The following SCFD2 variants were observed in gnomAD, a reference collection of about 807,000 sequenced individuals.
SCFD2 encodes the protein sec1 family domain containing 2.
In SCFD2, 54 loss-of-function variants were observed where a neutral mutation model predicts 58.9. The ratio of observed to expected loss-of-function variants is 0.92; its 90% confidence interval spans 0.74 to 1.15. SCFD2 has a LOEUF of 1.15. Ranked by LOEUF, SCFD2 falls within the 50% of genes most tolerant of loss-of-function variation. SCFD2 has a pLI of 0.00. For synonymous variants in SCFD2, 321 were observed against 335.9 expected (o/e 0.96, Z 0.49); for missense variants, 805 against 836.6 (o/e 0.96, Z 0.47).
chr4:52,875,818 AT>A (rs1718457956), intron 8 of SCFD2, among the ~76,000 whole-genome samples: 1 of 41,604 alleles, frequency 2.4e-5, no homozygotes, highest in African/African-American at 1.1e-4. Context: ...ATATATATAT[AT>A]ATATATATAT....
intron 5 of SCFD2, among the ~76,000 whole-genome samples, chr4:53,029,761 A>G (rs1722569604): frequency 6.6e-6 from 1 of 152,232 alleles, no homozygotes; most frequent in Non-Finnish European, 1.5e-5. Context: ...ATGGTACTGC[A>G]ACTACCATCT....
In SCFD2 at chr4:53,142,641, G is replaced by A. The variant is rs550730318; in HGVS notation, c.1561+2692C>T. Reference sequence around the variant, plus strand: ...ATATCCTTTCCTATTCTACAAGACCGAGTCAGAATCACCACTGCCCCAATA... The same window carrying A: ...ATATCCTTTCCTATTCTACAAGACCAAGTCAGAATCACCACTGCCCCAATA... On this transcript the variant is annotated intron_variant, in intron 5 of 8. Coordinates refer to ENST00000401642, the MANE Select transcript of SCFD2 (RefSeq NM_152540.4). 1.6e-3 allele frequency among the ~76,000 whole-genome samples: 243 copies of A among 152,300 alleles called. 2 individuals are homozygous for A. Among genetic ancestry groups the A allele is most frequent in the African/African-American group, 5.7e-3 (237 of 41,546 alleles).
intron 4 of SCFD2, among the ~76,000 whole-genome samples, chr4:53,183,835 T>G (rs1727658604): frequency 6.6e-6 from 1 of 152,080 alleles, no homozygotes; most frequent in South Asian, 2.1e-4. Flanking sequence ...TGTACTAGCT[T>G]TCATTTCTTC....
At chr4:53,068,653 C>T (rs1167742454) in intron 5 of SCFD2, among the ~76,000 whole-genome samples, 1 of 151,938 alleles carries the variant, frequency 6.6e-6, no homozygotes, top group African/African-American at 2.4e-5. Context: ...CATATTTGTA[C>T]TTTATTAAGT....
intron 4 of SCFD2, among the ~76,000 whole-genome samples, chr4:53,237,623 G>C (rs1577878276): frequency 1.5e-5 from 2 of 131,824 alleles, no homozygotes; most frequent in African/African-American, 5.9e-5. Flanking sequence ...TCCCGGACGG[G>C]GCGGCTGGCC....
Position 52,873,921 on chromosome 4 carries a change from T to C in SCFD2, c.*48A>G. Reference sequence around the variant, plus strand: ...AGTATTTGGAGTGGTGGCAGAAAATTGCATCGGCATTTCCAGCTTGAGTAG... The same window carrying C: ...AGTATTTGGAGTGGTGGCAGAAAATCGCATCGGCATTTCCAGCTTGAGTAG... On this transcript the variant is annotated 3_prime_UTR_variant, in exon 9 of 9. Transcript: ENST00000401642. 7.2e-7 allele frequency: 1 copy of C among 1,388,992 alleles called. No homozygotes were observed. Among genetic ancestry groups the C allele is most frequent in the Non-Finnish European group, 1.0e-6 (1 of 975,624 alleles). 86.0% of individuals were successfully genotyped at this position (1,388,992 alleles called of 1,614,324 possible).
chr4:53,112,609 G>A (rs374533205), intron 5 of SCFD2, among the ~76,000 whole-genome samples: 1 of 152,122 alleles, frequency 6.6e-6, no homozygotes, highest in African/African-American at 2.4e-5. Flanking sequence ...TGACATGGTA[G>A]TTAAGAGCAC....
At chr4:53,027,363 T>C (rs529534957) in intron 5 of SCFD2, among the ~76,000 whole-genome samples, 1 of 152,204 alleles carries the variant, frequency 6.6e-6, no homozygotes, top group South Asian at 2.1e-4. Flanking sequence ...CTGCTCAGTG[T>C]TGGTTTTCCA....
chr4:53,251,117 A>G (rs1158034913), intron 4 of SCFD2, among the ~76,000 whole-genome samples: 1 of 152,232 alleles, frequency 6.6e-6, no homozygotes, highest in Non-Finnish European at 1.5e-5. Flanking sequence ...CTACGCAAAT[A>G]AACAAGAAAA....
intron 3 of SCFD2, among the ~76,000 whole-genome samples, chr4:53,312,563 T>C (rs1299940550): frequency 1.3e-5 from 2 of 152,246 alleles, no homozygotes; most frequent in Non-Finnish European, 2.9e-5. Flanking sequence ...ATTATGTTCC[T>C]TGCAGCCCTC....
intron 4 of SCFD2, among the ~76,000 whole-genome samples, chr4:53,146,123 C>T (rs1188536822): frequency 1.3e-5 from 2 of 152,124 alleles, no homozygotes; most frequent in Non-Finnish European, 2.9e-5. Flanking sequence ...CAGAATCACA[C>T]AGGGTAATGG....
chr4:53,207,384 CT>C (rs1291921370), intron 4 of SCFD2, among the ~76,000 whole-genome samples: 1 of 144,794 alleles, frequency 6.9e-6, no homozygotes, highest in Non-Finnish European at 1.5e-5. Flanking sequence ...TTTCAAACTG[CT>C]ATACTGACAA....
chr4:52,916,531 G>A (rs1280793076), intron 6 of SCFD2, among the ~76,000 whole-genome samples: 1 of 152,178 alleles, frequency 6.6e-6, no homozygotes, highest in Non-Finnish European at 1.5e-5. Flanking sequence ...CCGAGATTGC[G>A]CCACTGCACT....
intron 4 of SCFD2, among the ~76,000 whole-genome samples, chr4:53,202,598 T>A (rs1336078819): frequency 2.6e-5 from 4 of 152,186 alleles, no homozygotes; most frequent in Non-Finnish European, 5.9e-5. Context: ...TGGCATTGAA[T>A]CTGTAAATTA....
intron 4 of SCFD2, among the ~76,000 whole-genome samples, chr4:53,267,033 C>G (rs947808417): frequency 5.9e-5 from 9 of 152,188 alleles, no homozygotes; most frequent in Non-Finnish European, 4.4e-5. Flanking sequence ...GTTAGATCAC[C>G]AAAACCATTG....
intron 4 of SCFD2, among the ~76,000 whole-genome samples, chr4:53,210,675 T>C (rs1334707186): frequency 2.6e-5 from 4 of 152,184 alleles, no homozygotes; most frequent in African/African-American, 9.7e-5. Context: ...CATTATTCTT[T>C]TTAATAAATT....
At chr4:53,337,533 T>C (rs1270306998) in intron 2 of SCFD2, among the ~76,000 whole-genome samples, 3 of 152,148 alleles carry the variant, frequency 2.0e-5, no homozygotes, top group Admixed American at 1.3e-4. Flanking sequence ...TAAAATGACA[T>C]GTATCAACCC....
intron 2 of SCFD2, among the ~76,000 whole-genome samples, chr4:53,329,866 A>G (rs1733369233): frequency 6.6e-6 from 1 of 152,002 alleles, no homozygotes; most frequent in South Asian, 2.1e-4. Context: ...AGAAGAATGT[A>G]TAACTAGAAT....
chr4:53,237,711 G>C (rs1372617434), intron 4 of SCFD2, among the ~76,000 whole-genome samples: 1 of 121,372 alleles, frequency 8.2e-6, no homozygotes, highest in Non-Finnish European at 1.7e-5. Flanking sequence ...CTTCCCAGTA[G>C]GGGCGGCCAG....
Sources: gnomAD v4.1 joint callset for allele counts (sites outside exome capture counted in the v4.1 genomes callset) on GRCh38, gnomAD v4.1.1 for gene constraint, MANE v1.5 for transcripts, NCBI Gene and HGNC (gene_info 2026-07-23, HGNC 2026-07-21) for gene names.